The following TEN1 variants were observed in gnomAD, a reference collection of about 807,000 sequenced individuals.
The protein encoded by TEN1 is CST complex subunit TEN1.
Under a neutral mutation model 9.3 loss-of-function variants are expected in TEN1, and 6 were observed. The ratio of observed to expected loss-of-function variants is 0.65; its 90% CI spans 0.35 to 1.27. The LOEUF is 1.27. Among genes scored for constraint, TEN1 ranks in the 50% most tolerant of loss-of-function variants. The pLI, the probability that TEN1 is intolerant of heterozygous loss-of-function variation, is 0.03. For synonymous variants in TEN1, 65 were observed against 65.6 expected (o/e 0.99, Z 0.04); for missense variants, 149 against 158.2 (o/e 0.94, Z 0.31).
intron 2 of TEN1, among the ~76,000 whole-genome samples, chr17:75,991,149 CAAAAAAAAAAA>C (rs71361699): frequency 4.7e-4 from 33 of 70,212 alleles, no homozygotes; most frequent in African/African-American, 1.8e-3. Context: ...GACTCCATCT[CAAAAAAAAAAA>C]AAAAAAAAGA....
intron 2 of TEN1, among the ~76,000 whole-genome samples, chr17:75,989,987 T>C (rs895711611): frequency 2.0e-5 from 3 of 150,446 alleles, no homozygotes; most frequent in Non-Finnish European, 4.4e-5. Flanking sequence ...GCTCAAGCAA[T>C]CCTCTTGCCT....
At chr17:75,996,280 G>A (rs1474468742) in intron 3 of TEN1, among the ~76,000 whole-genome samples, 1 of 152,164 alleles carries the variant, frequency 6.6e-6, no homozygotes, top group South Asian at 2.1e-4. Context: ...GAGGTCAGGA[G>A]TTCGAGACCG....
chr17:75,989,710 G>A (rs1296106326), intron 2 of TEN1, among the ~76,000 whole-genome samples: 1 of 150,818 alleles, frequency 6.6e-6, no homozygotes, highest in South Asian at 2.1e-4. Context: ...ATCGTGCCTG[G>A]CTTTATTGAT....
intron 2 of TEN1, among the ~76,000 whole-genome samples, chr17:75,987,896 G>A (rs1296730027): frequency 1.4e-4 from 18 of 130,378 alleles, no homozygotes; most frequent in Non-Finnish European, 2.6e-4. Flanking sequence ...CAGCCTGGGG[G>A]ACAGGGTGAG....
intron 1 of TEN1, among the ~76,000 whole-genome samples, chr17:75,983,649 T>C (rs2066135864): frequency 6.6e-6 from 1 of 151,600 alleles, no homozygotes; most frequent in African/African-American, 2.4e-5. Context: ...CACGTGGGAG[T>C]TGGTATTATT....
chr17:75,979,573 T>C (rs2066098497), intron 1 of TEN1, 62 bp downstream of exon 1: 1 of 251,134 alleles, frequency 4.0e-6, no homozygotes, highest in South Asian at 3.9e-5. Flanking sequence ...GCGCCTGCAC[T>C]TGCCCCCCTC....
intron 2 of TEN1, among the ~76,000 whole-genome samples, chr17:75,987,510 T>C (rs1328174608): frequency 6.6e-6 from 1 of 152,204 alleles, no homozygotes; most frequent in Non-Finnish European, 1.5e-5. Context: ...AGTATCCTAC[T>C]GATTACACAG....
chr17:75,987,748 C>G (rs1291624634), intron 2 of TEN1, among the ~76,000 whole-genome samples: 1 of 151,542 alleles, frequency 6.6e-6, no homozygotes, highest in African/African-American at 2.4e-5. Flanking sequence ...GAAACCCTGT[C>G]TCTACTAAAA....
chr17:75,990,791 G>GAAAAA (rs34463013), intron 2 of TEN1, among the ~76,000 whole-genome samples: 1 of 123,404 alleles, frequency 8.1e-6, no homozygotes, highest in South Asian at 2.6e-4. Context: ...CTGGGATACA[G>GAAAAA]AAAAAAAAAA....
intron 1 of TEN1, among the ~76,000 whole-genome samples, chr17:75,981,720 C>T (rs2066121782): frequency 6.6e-6 from 1 of 151,946 alleles, no homozygotes; most frequent in South Asian, 2.1e-4. Flanking sequence ...CATTTACCCC[C>T]AAAGCCAGCC....
In TEN1 at chr17:76,000,494, C is replaced by A; in HGVS notation, c.*232C>A. 1.6e-6 allele frequency: 1 copy of A among 628,076 alleles called. No homozygotes were observed. The highest frequency in any genetic ancestry group is 2.5e-6 in the Non-Finnish European group (1 of 395,518). 38.9% of individuals were successfully genotyped at this position (628,076 alleles called of 1,614,324 possible). On this transcript the variant is annotated 3_prime_UTR_variant, in exon 4 of 4. Coordinates refer to ENST00000397640, the MANE Select transcript of TEN1 (RefSeq NM_001113324.3). The surrounding 1 kb of genome is among the most constrained non-coding windows in gnomAD (Gnocchi z 5.9). ...CCCCACCCCAGGAGACTGCAGGTGG[C>A]CGAGCTTGGGCGCCGGGGCCGTGCT...
At chr17:75,983,145 G>T (rs2066132571) in intron 1 of TEN1, among the ~76,000 whole-genome samples, 1 of 151,684 alleles carries the variant, frequency 6.6e-6, no homozygotes, top group African/African-American at 2.4e-5. Context: ...GCCGGGCATG[G>T]TGGCACACGC....
intron 3 of TEN1, among the ~76,000 whole-genome samples, chr17:75,994,712 A>G (rs113178430): frequency 0.18 from 27,601 of 151,852 alleles, 5,868 homozygotes; most frequent in African/African-American, 0.52. Context: ...TCCTGACCTC[A>G]TGATCCACCT....
intron 3 of TEN1, among the ~76,000 whole-genome samples, chr17:75,997,993 A>AGTAGCTG (rs2066227432): frequency 6.6e-6 from 1 of 151,504 alleles, no homozygotes; most frequent in African/African-American, 2.4e-5. Context: ...CTGGGATTAC[A>AGTAGCTG]GGTGCCCGCC....
At chr17:75,991,419 T>C (rs762455169) in intron 2 of TEN1, 47 bp from the exon 3 acceptor site, 5 of 1,543,082 alleles carry the variant, frequency 3.2e-6, no homozygotes, top group Non-Finnish European at 3.5e-6. Flanking sequence ...AGCGTGGTGG[T>C]GATTCTACGT....
intron 3 of TEN1, among the ~76,000 whole-genome samples, chr17:75,996,361 T>G (rs1160323603): frequency 6.6e-6 from 1 of 152,096 alleles, no homozygotes; most frequent in Non-Finnish European, 1.5e-5. Context: ...GGCACATGCC[T>G]GTAATCCCAG....
chr17:75,995,183 T>G (rs1250188275), intron 3 of TEN1, among the ~76,000 whole-genome samples: 1 of 149,728 alleles, frequency 6.7e-6, no homozygotes, highest in Non-Finnish European at 1.5e-5. Context: ...ATTGCTCTAC[T>G]GCACTCCAGC....
At chr17:75,987,936 AAAAG>A (rs1266749644) in intron 2 of TEN1, among the ~76,000 whole-genome samples, 5 of 136,488 alleles carry the variant, frequency 3.7e-5, no homozygotes, top group Admixed American at 7.2e-5. Context: ...AAAAAAAAAA[AAAAG>A]ACTAGTATTT....
intron 1 of TEN1, chr17:75,984,644 T>G (rs1219405244): frequency 2.0e-5 from 3 of 152,296 alleles, no homozygotes; most frequent in Non-Finnish European, 2.9e-5. Flanking sequence ...CCTCCTCAAG[T>G]GCTGGGATTA....
Sources: gnomAD v4.1 joint callset for allele counts (sites outside exome capture counted in the v4.1 genomes callset) on GRCh38, gnomAD v4.1.1 for gene constraint, Gnocchi (gnomAD v3.1) non-coding constraint, MANE v1.5 for transcripts, NCBI Gene and HGNC (gene_info 2026-07-23, HGNC 2026-07-21) for gene names.